The following RFC1 variants were observed in gnomAD, a reference collection of about 807,000 sequenced individuals.
The protein encoded by RFC1 is replication factor C subunit 1, also known as A1 140 kDa subunit.
A neutral mutation model predicts 137.4 loss-of-function variants in RFC1; 37 were observed. The observed-to-expected ratio is 0.27, with a 90% CI of 0.21 to 0.35. The LOEUF (loss-of-function observed/expected upper bound fraction) is 0.35. Ranked by LOEUF, RFC1 falls within the 10% of genes least tolerant of loss-of-function variation. The pLI is 1.00. For missense variants in RFC1, 1,205 were observed against 1,358.5 expected, an observed-to-expected ratio of 0.89 and a Z score of 1.78; for synonymous variants, 429 against 455.7, an observed-to-expected ratio of 0.94 and a Z score of 0.75.
intron 13 of RFC1, among the ~76,000 whole-genome samples, chr4:39,308,201 C>T (rs983827011): frequency 6.6e-6 from 1 of 152,122 alleles, no homozygotes; most frequent in African/African-American, 2.4e-5. Flanking sequence ...TGTCACATGG[C>T]TTCAGACCTT....
At chr4:39,311,632 C>A in intron 11 of RFC1, 83 bp from the exon 12 acceptor site, 5 of 962,064 alleles carry the variant, frequency 5.2e-6, no homozygotes, top group East Asian at 2.7e-5. Context: ...AATTCTAGGG[C>A]CTATTAGTAG....
chr4:39,317,720 T>TG (rs1032907743), intron 9 of RFC1: 2 of 152,238 alleles, frequency 1.3e-5, no homozygotes, highest in African/African-American at 4.8e-5. Flanking sequence ...TGTGTTTATG[T>TG]GGGGGAAAAA....
At chr4:39,338,022 T>C (rs1740443721) in intron 4 of RFC1, among the ~76,000 whole-genome samples, 1 of 152,184 alleles carries the variant, frequency 6.6e-6, no homozygotes, top group Non-Finnish European at 1.5e-5. Flanking sequence ...AAAAGGTCAA[T>C]CTTCGCCAAA....
chr4:39,306,781 TA>T (rs1738690146), intron 13 of RFC1, 80 bp from the exon 14 acceptor site: 1 of 783,208 alleles, frequency 1.3e-6, no homozygotes, highest in Non-Finnish European at 2.3e-6. Context: ...TAGTTATGCC[TA>T]AACTTCACAT....
In RFC1 at chr4:39,351,469, C is replaced by T. The variant is rs190369900; in HGVS notation, c.11G>A (p.Arg4Gln). 2 of 1,548,936 alleles carry T rather than the reference C, an allele frequency of 1.3e-6. No homozygotes were observed. The highest frequency in any genetic ancestry group is 2.3e-5 in the East Asian group (1 of 42,718). MDIRKFFGVIPSGK... is the reference protein window; with the variant it reads MDIQKFFGVIPSGK... ...ACTTGGTATTACTCCAAAGAATTTC[C>T]GAATGTCCTAAAAGCAAAAAACAGG... is the stretch of plus-strand genomic sequence containing the variant. Residue 4 changes from arginine (R) to glutamine (Q), a missense_variant, in exon 2 of 25, where the codon CGG (arginine) becomes CAG (glutamine). By Grantham distance (43) the Arg-to-Gln change is conservative. This residue lies in a region of RFC1 where 962 missense variants were observed against 1,035.3 expected (regional missense o/e 0.93). Coordinates refer to ENST00000349703, the MANE Select transcript of RFC1 (RefSeq NM_002913.5).
At chr4:39,333,042 C>A (rs1740180476) in intron 4 of RFC1, among the ~76,000 whole-genome samples, 1 of 152,162 alleles carries the variant, frequency 6.6e-6, no homozygotes, top group African/African-American at 2.4e-5. Context: ...AAGTAGTATT[C>A]TCTGGGAAAA....
rs987547956 is a variant in RFC1, at chr4:39,287,737, T to C, written c.*1024A>G. ...CATAGCCTCACGGCCACTCAACACA[T>C]ACAGTTATAGGAATAACCCAAACTT... is the stretch of plus-strand genomic sequence containing the variant. On this transcript the variant is annotated 3_prime_UTR_variant, in exon 25 of 25. Coordinates refer to ENST00000349703, the MANE Select transcript of RFC1 (RefSeq NM_002913.5). 1 of 152,244 alleles carries C rather than the reference T, an allele frequency of 6.6e-6. No individual in the cohort carries two copies. Among genetic ancestry groups the C allele is most frequent in the African/African-American group, 2.4e-5 (1 of 41,532 alleles). The allele number at this position is 152,244 out of a possible 1,614,324, so 9.4% of individuals were successfully genotyped here. A position where few individuals can be genotyped will look rare whatever the true frequency, so the allele number is the denominator to read the frequency against.
chr4:39,329,810 G>A (rs1000764340), intron 4 of RFC1, among the ~76,000 whole-genome samples: 7 of 152,232 alleles, frequency 4.6e-5, no homozygotes, highest in African/African-American at 1.4e-4. Flanking sequence ...CGAGATGGGC[G>A]GATCATTTGA....
chr4:39,327,506 T>TATATGTA lies in RFC1; in HGVS notation c.564+11_564+17dup. The TATATGTA allele has an allele frequency of 1.3e-6, 2 of 1,537,402 alleles. No individual in the cohort carries two copies. Among genetic ancestry groups the TATATGTA allele is most frequent in the African/African-American group, 2.8e-5 (2 of 72,602 alleles). On this transcript the variant is annotated intron_variant, in intron 5 of 24. Transcript: ENST00000349703. ...GGTATAAATCCTGAGCATACTTGCT[T>TATATGTA]ATATGTAGAACACTTACCTCTTTTC... is the stretch of plus-strand genomic sequence containing the variant.
intron 11 of RFC1, 27 bp downstream of exon 11, chr4:39,312,725 T>C (rs752428624): frequency 1.1e-5 from 18 of 1,592,878 alleles, no homozygotes; most frequent in East Asian, 6.7e-5. Context: ...GGAGGTGTCA[T>C]GGTGTTGAGA....
intron 3 of RFC1, among the ~76,000 whole-genome samples, chr4:39,344,252 A>G (rs1740743066): frequency 6.6e-6 from 1 of 152,222 alleles, no homozygotes; most frequent in African/African-American, 2.4e-5. Flanking sequence ...CATAAAAGGC[A>G]TGCAAAAAAA....
intron 2 of RFC1, 50 bp from the exon 3 acceptor site, chr4:39,345,526 CTT>C (rs760892775): frequency 4.1e-4 from 479 of 1,157,562 alleles, no homozygotes; most frequent in Middle Eastern, 5.7e-4. Flanking sequence ...ATATAACTAT[CTT>C]TTTTTTTTTT....
intron 4 of RFC1, among the ~76,000 whole-genome samples, chr4:39,335,549 T>C (rs1484098806): frequency 6.6e-6 from 1 of 152,116 alleles, no homozygotes; most frequent in East Asian, 1.9e-4. Flanking sequence ...TGAGTAATGA[T>C]AAATAAGAGA....
chr4:39,312,508 A>G (rs555819896), intron 11 of RFC1, among the ~76,000 whole-genome samples: 3 of 152,334 alleles, frequency 2.0e-5, no homozygotes, highest in African/African-American at 7.2e-5. Flanking sequence ...TTCAAAAATA[A>G]AAAAAGACTT....
chr4:39,349,047 GGT>G (rs1269146673), intron 2 of RFC1, among the ~76,000 whole-genome samples: 2 of 110,826 alleles, frequency 1.8e-5, no homozygotes, highest in Non-Finnish European at 3.7e-5. Context: ...TTCCTTATCT[GGT>G]TTCACAGGTT....
intron 4 of RFC1, among the ~76,000 whole-genome samples, chr4:39,329,134 A>C (rs1358151281): frequency 9.4e-6 from 1 of 106,440 alleles, no homozygotes; most frequent in Non-Finnish European, 2.4e-5. Flanking sequence ...TCACAAAAAA[A>C]AAAAAAAAAA....
chr4:39,295,244 T>C (rs1737920085), intron 22 of RFC1, among the ~76,000 whole-genome samples: 1 of 152,208 alleles, frequency 6.6e-6, no homozygotes, highest in Non-Finnish European at 1.5e-5. Context: ...AAATAGTTCA[T>C]TTCTTTAAAT....
Position 39,320,535 on chromosome 4 carries a change from C to T in RFC1, c.943G>A (p.Ala315Thr). 6.2e-7 allele frequency: 1 copy of T among 1,613,412 alleles called. No homozygotes were observed. Among genetic ancestry groups the T allele is most frequent in the Non-Finnish European group, 8.5e-7 (1 of 1,179,886 alleles). Residue 315 changes from alanine to threonine, a missense_variant, in exon 9 of 25, where the codon GCC (alanine) becomes ACC (threonine). Around this residue, in one of 3 missense-constraint regions of RFC1, gnomAD observed 962 missense variants for 1,035.3 expected, o/e 0.93. Coordinates refer to ENST00000349703, the MANE Select transcript of RFC1 (RefSeq NM_002913.5). ...TTCATAATTGCCAGCTTAGAACTGG[C>T]CTTGGGAGAAGAGACTTCTCCTATT... ...DKIGEVSSPK[A>T]SSKLAIMKRK...
At chr4:39,321,438 T>C (rs1739519174) in intron 7 of RFC1, 64 bp from the exon 8 acceptor site, 7 of 1,485,700 alleles carry the variant, frequency 4.7e-6, no homozygotes, top group Non-Finnish European at 6.5e-6. Context: ...ATAAAATCTG[T>C]TGTTAAAATC....
Sources: allele counts gnomAD v4.1 joint callset (sites outside exome capture counted in the v4.1 genomes callset), GRCh38; gene constraint gnomAD v4.1.1; regional missense constraint gnomAD v4.1.1; transcripts MANE v1.5; gene names NCBI Gene and HGNC (gene_info 2026-07-23, HGNC 2026-07-21).